The following VTCN1 variants were observed in gnomAD, a reference collection of about 807,000 sequenced individuals.
The protein encoded by VTCN1 is V-set domain containing T cell activation inhibitor 1, also known as V-set domain-containing T-cell activation inhibitor 1.
A neutral mutation model predicts 26.5 loss-of-function variants in VTCN1; 26 were observed. The ratio of observed to expected loss-of-function variants is 0.98; its 90% confidence interval spans 0.72 to 1.36. The LOEUF (loss-of-function observed/expected upper bound fraction) is 1.36. VTCN1 is among the 40% of genes most tolerant of loss of function. The pLI, the probability that VTCN1 is intolerant of heterozygous loss-of-function variation, is 0.00. For missense variants in VTCN1, 298 were observed against 337.7 expected (o/e 0.88, Z 0.92); for synonymous variants, 116 against 130.7 (o/e 0.89, Z 0.77).
chr1:117,177,370 C>A (rs1235671949), intron 1 of VTCN1, among the ~76,000 whole-genome samples: 1 of 152,128 alleles, frequency 6.6e-6, no homozygotes, highest in South Asian at 2.1e-4. Context: ...GCCTCTACCC[C>A]TCTCCCTGTA....
At chr1:117,148,918 T>C (rs1252090561) in intron 4 of VTCN1, among the ~76,000 whole-genome samples, 1 of 152,198 alleles carries the variant, frequency 6.6e-6, no homozygotes, top group African/African-American at 2.4e-5. Context: ...ACTGACGGCC[T>C]GCAGGAGCAC....
rs879173404 is a variant in VTCN1, at chr1:117,147,928, G to A, written c.725-146C>T. ...TTTTTACCCCTTTGCCCACCTCTCCGTAACTGGCTTAAAAGTAGAGCTTTC... is the reference window on the plus strand; with the variant it reads ...TTTTTACCCCTTTGCCCACCTCTCCATAACTGGCTTAAAAGTAGAGCTTTC... On this transcript the variant is annotated intron_variant, in intron 4 of 5. Coordinates refer to ENST00000369458, the MANE Select transcript of VTCN1 (RefSeq NM_024626.4). This position sits in a 1 kb window ranked among gnomAD's most constrained non-coding sequence, Gnocchi z 4.6. 50 of 1,027,004 alleles carry A rather than the reference G, an allele frequency of 4.9e-5. No individual in the cohort carries two copies. In the South Asian group the frequency reaches 6.9e-4, roughly 14 times the overall value. The allele number at this position is 1,027,004 out of a possible 1,614,324, so 63.6% of individuals were successfully genotyped here.
intron 1 of VTCN1, chr1:117,203,586 A>G (rs1020939016): frequency 1.0e-6 from 1 of 984,808 alleles, no homozygotes; most frequent in African/African-American, 1.7e-5. Context: ...TGAAAAGCGC[A>G]CACAGAGAGA....
rs565203365 is a variant in VTCN1, at chr1:117,161,561, T to C, written c.98-4640A>G. On this transcript the variant is annotated intron_variant, in intron 2 of 5. Coordinates refer to ENST00000369458, the MANE Select transcript of VTCN1 (RefSeq NM_024626.4). This position sits in a 1 kb window ranked among gnomAD's most constrained non-coding sequence, Gnocchi z 4.3. ...AAGAGCAGAAACTGTCTTAATCCTA[T>C]CTGTAAGTCCTGTAGTGCCTAGAGC... 5.3e-5 allele frequency among the ~76,000 whole-genome samples: 8 copies of C among 152,314 alleles called. No individual in the cohort carries two copies. In the South Asian group the frequency reaches 1.7e-3, roughly 32 times the overall value.
At chr1:117,163,706 C>T (rs1303745483) in intron 2 of VTCN1, among the ~76,000 whole-genome samples, 1 of 152,116 alleles carries the variant, frequency 6.6e-6, no homozygotes. Flanking sequence ...GGCCCTGAGC[C>T]TATGCCCTTT....
intron 1 of VTCN1, among the ~76,000 whole-genome samples, chr1:117,194,336 G>A (rs1453546770): frequency 6.6e-6 from 1 of 152,166 alleles, no homozygotes; most frequent in East Asian, 1.9e-4. Flanking sequence ...CCTCACACCT[G>A]TTAGGATGGC....
intron 1 of VTCN1, among the ~76,000 whole-genome samples, chr1:117,173,900 C>T (rs1052123174): frequency 3.9e-5 from 6 of 152,182 alleles, no homozygotes; most frequent in South Asian, 2.1e-4. Flanking sequence ...ACGTTTCCCT[C>T]GCTGTGAAAA....
chr1:117,209,608 G>T (rs961092586), intron 1 of VTCN1, among the ~76,000 whole-genome samples: 4 of 152,196 alleles, frequency 2.6e-5, no homozygotes, highest in African/African-American at 9.7e-5. Context: ...TCTGACATAG[G>T]TGCTTCTTAG....
chr1:117,158,632 TCTTAGGGATTAACATTCAG>T (rs1361047667), intron 2 of VTCN1, among the ~76,000 whole-genome samples: 3 of 152,222 alleles, frequency 2.0e-5, no homozygotes, highest in African/African-American at 7.2e-5. Context: ...TTCCCCATTG[TCTTAGGGATTAACATTCAG>T]CTCCTCATTA....
chr1:117,157,091 T>TTATATA, intron 2 of VTCN1, 170 bp from the exon 3 acceptor site: 1 of 759,196 alleles, frequency 1.3e-6, no homozygotes. Context: ...ACAATCATTT[T>TTATATA]GATATATATA....
intron 2 of VTCN1, among the ~76,000 whole-genome samples, chr1:117,165,422 T>G (rs1451400679): frequency 6.6e-6 from 1 of 152,224 alleles, no homozygotes; most frequent in Non-Finnish European, 1.5e-5. Flanking sequence ...TATATTATAT[T>G]GGAGGAGGTG....
chr1:117,174,161 A>C (rs916823128), intron 1 of VTCN1, among the ~76,000 whole-genome samples: 1 of 152,224 alleles, frequency 6.6e-6, no homozygotes, highest in African/African-American at 2.4e-5. Flanking sequence ...GTTTCCAATA[A>C]CTATGCTGCA....
chr1:117,210,725 G>A, intron 1 of VTCN1, 99 bp downstream of exon 1: 2 of 1,282,284 alleles, frequency 1.6e-6, no homozygotes, highest in Non-Finnish European at 2.3e-6. Context: ...AAAATTACAG[G>A]TGGGGTCCTA....
Position 117,153,373 on chromosome 1 carries a change from C to T in VTCN1, c.446-4G>A, listed in dbSNP as rs1015157543. 13 of 1,599,080 alleles carry T rather than the reference C, an allele frequency of 8.1e-6. No individual in the cohort carries two copies. The highest frequency in any genetic ancestry group is 1.1e-5 in the Non-Finnish European group (13 of 1,169,240). ...TTCACTTCCGGCATGCTGAAGGCTG[C>T]AGGGTCAAAAGTCAGAAAGGGCAGA... On this transcript the variant is annotated splice_polypyrimidine_tract_variant and splice_region_variant and intron_variant, in intron 3 of 5. Coordinates refer to ENST00000369458, the MANE Select transcript of VTCN1 (RefSeq NM_024626.4).
At chr1:117,182,192 A>T (rs966299000) in intron 1 of VTCN1, among the ~76,000 whole-genome samples, 1 of 152,170 alleles carries the variant, frequency 6.6e-6, no homozygotes, top group Non-Finnish European at 1.5e-5. Context: ...GTACAATGTC[A>T]TATTTGTACA....
At chr1:117,164,216 G>C (rs536149618) in intron 2 of VTCN1, among the ~76,000 whole-genome samples, 13 of 152,260 alleles carry the variant, frequency 8.5e-5, no homozygotes, top group African/African-American at 2.6e-4. Flanking sequence ...TTAGATATGG[G>C]AGATGGCACA....
chr1:117,190,033 G>A (rs1010253038), intron 1 of VTCN1, among the ~76,000 whole-genome samples: 2 of 152,160 alleles, frequency 1.3e-5, no homozygotes, highest in Non-Finnish European at 2.9e-5. Context: ...CAGAACCATC[G>A]GCTAAGGAGC....
At chr1:117,162,979 C>G (rs562812721) in intron 2 of VTCN1, among the ~76,000 whole-genome samples, 1 of 152,184 alleles carries the variant, frequency 6.6e-6, no homozygotes, top group African/African-American at 2.4e-5. Flanking sequence ...AGAGAGCATG[C>G]TAGATGTCTT....
rs6428680 is a variant in VTCN1, at chr1:117,167,466, C to G, written c.97+2641G>C. On this transcript the variant is annotated intron_variant, in intron 2 of 5. Coordinates refer to ENST00000369458, the MANE Select transcript of VTCN1 (RefSeq NM_024626.4). This position sits in a 1 kb window ranked among gnomAD's most constrained non-coding sequence, Gnocchi z 4.1. ...TGCATAGAATCATACAGAACTTACT[C>G]TTTTGTGCTCTTCTGTAGTTCCACA... 0.038 allele frequency among the ~76,000 whole-genome samples: 5,836 copies of G among 152,270 alleles called. 388 individuals are homozygous for G. The highest frequency in any genetic ancestry group is 0.13 in the African/African-American group (5,493 of 41,540).
Sources: allele counts gnomAD v4.1 joint callset (sites outside exome capture counted in the v4.1 genomes callset), GRCh38; gene constraint gnomAD v4.1.1; non-coding constraint Gnocchi (gnomAD v3.1); transcripts MANE v1.5; gene names NCBI Gene and HGNC (gene_info 2026-07-23, HGNC 2026-07-21).